The following DLG2 variants were observed in gnomAD, a reference collection of about 807,000 sequenced individuals.
DLG2 encodes the protein disks large homolog 2.
Under a neutral mutation model 132.5 loss-of-function variants are expected in DLG2, and 45 were observed. The observed-to-expected ratio is 0.34, with a 90% confidence interval of 0.27 to 0.44. The LOEUF is 0.44. Among genes scored for constraint, DLG2 ranks in the 20% least tolerant of loss-of-function variants. DLG2 has a pLI of 1.00. For missense variants in DLG2, 1,045 were observed against 1,196.9 expected, an observed-to-expected ratio of 0.87 and a Z score of 1.87; for synonymous variants, 424 against 419.6, an observed-to-expected ratio of 1.01 and a Z score of -0.13.
At chr11:85,162,500 G>A (rs1266927421) in intron 4 of DLG2, among the ~76,000 whole-genome samples, 2 of 152,172 alleles carry the variant, frequency 1.3e-5, no homozygotes, top group Non-Finnish European at 2.9e-5. Flanking sequence ...CAAGAATGAG[G>A]ACTGTAATTG....
chr11:85,520,379 T>A (rs892441048), intron 3 of DLG2, among the ~76,000 whole-genome samples: 2 of 152,132 alleles, frequency 1.3e-5, no homozygotes, highest in Non-Finnish European at 2.9e-5. Flanking sequence ...TCCATGCTCA[T>A]GGATTGGAAG....
At chr11:84,744,968 A>C (rs2153828426) in intron 6 of DLG2, among the ~76,000 whole-genome samples, 1 of 151,756 alleles carries the variant, frequency 6.6e-6, no homozygotes, top group South Asian at 2.1e-4. Flanking sequence ...TCATCTTTTA[A>C]CCAAACAGAT....
intron 6 of DLG2, among the ~76,000 whole-genome samples, chr11:84,762,445 C>A (rs372967049): frequency 1.1e-4 from 16 of 152,186 alleles, no homozygotes; most frequent in Non-Finnish European, 1.6e-4. Flanking sequence ...CCTGTATTTT[C>A]TTTCCTAAGA....
At chr11:83,531,667 A>T (rs986439115) in intron 21 of DLG2, among the ~76,000 whole-genome samples, 2 of 152,042 alleles carry the variant, frequency 1.3e-5, no homozygotes, top group Admixed American at 6.6e-5. Flanking sequence ...TGGAAATAAA[A>T]ATATATGTCA....
chr11:83,920,189 T>C (rs903039275), intron 15 of DLG2, among the ~76,000 whole-genome samples: 1 of 152,140 alleles, frequency 6.6e-6, no homozygotes, highest in South Asian at 2.1e-4. Context: ...CTCTAAGGTA[T>C]TCATTTCCTC....
At chr11:85,425,153 C>T (rs286021) in intron 3 of DLG2, among the ~76,000 whole-genome samples, 128,956 of 152,224 alleles carry the variant, frequency 0.85, 55,003 homozygotes, top group Non-Finnish European at 0.91. Flanking sequence ...TCCAGGTCTT[C>T]TGATAGATGT....
intron 3 of DLG2, among the ~76,000 whole-genome samples, chr11:85,352,758 T>A (rs1016874933): frequency 6.6e-6 from 1 of 152,160 alleles, no homozygotes. Context: ...ATTTAATAAA[T>A]GGTGCTGGGA....
intron 4 of DLG2, among the ~76,000 whole-genome samples, chr11:85,256,001 T>C (rs2076646396): frequency 6.6e-6 from 1 of 152,156 alleles, no homozygotes; most frequent in Non-Finnish European, 1.5e-5. Flanking sequence ...GATAATGATA[T>C]GGACAGGAGA....
At chr11:83,651,151 A>T (rs1469672069) in intron 18 of DLG2, among the ~76,000 whole-genome samples, 1 of 152,166 alleles carries the variant, frequency 6.6e-6, no homozygotes, top group Non-Finnish European at 1.5e-5. Context: ...CTCAGCTCTT[A>T]GTACAAGTAA....
chr11:85,028,928 G>C (rs2060780478), intron 6 of DLG2, among the ~76,000 whole-genome samples: 1 of 152,162 alleles, frequency 6.6e-6, no homozygotes, highest in South Asian at 2.1e-4. Flanking sequence ...CTACCCCGCT[G>C]CAGTTGGCGT....
intron 6 of DLG2, among the ~76,000 whole-genome samples, chr11:85,004,915 G>A (rs10898345): frequency 0.51 from 77,133 of 151,854 alleles, 19,936 homozygotes; most frequent in East Asian, 0.63. Context: ...AGGTGAAAGG[G>A]AGAGGTCCAG....
rs147039683 is a variant in DLG2, at chr11:83,523,934, A to G, written c.2193+8774T>C. ...TTCTCTCCCCAACTAAACAAGCACA[A>G]GGTCAAAAACACCGTATGCAAATGC... is the stretch of plus-strand genomic sequence containing the variant. On this transcript the variant is annotated intron_variant, in intron 21 of 27. Transcript: ENST00000376104. Among the ~76,000 whole-genome samples the G allele has an allele frequency of 9.7e-4, 148 of 152,298 alleles. 1 individual carries two copies. Among genetic ancestry groups the G allele is most frequent in the South Asian group, 9.1e-3 (44 of 4,834 alleles).
intron 9 of DLG2, among the ~76,000 whole-genome samples, chr11:84,144,089 T>C (rs986192938): frequency 4.6e-5 from 7 of 152,150 alleles, no homozygotes; most frequent in Non-Finnish European, 8.8e-5. Flanking sequence ...TGGGGCCCTA[T>C]GCAGTTTCCT....
intron 19 of DLG2, among the ~76,000 whole-genome samples, chr11:83,578,370 A>G (rs1017395022): frequency 5.9e-5 from 9 of 152,170 alleles, no homozygotes; most frequent in Non-Finnish European, 1.0e-4. Context: ...AAGAGAATAG[A>G]GAACAGTACC....
intron 18 of DLG2, among the ~76,000 whole-genome samples, chr11:83,663,908 C>A (rs2074947603): frequency 6.6e-6 from 1 of 152,186 alleles, no homozygotes. Context: ...AACTATTAAT[C>A]TGCCTTCATT....
intron 6 of DLG2, among the ~76,000 whole-genome samples, chr11:84,737,329 C>T (rs2063969258): frequency 6.6e-6 from 1 of 151,862 alleles, no homozygotes; most frequent in African/African-American, 2.4e-5. Flanking sequence ...AATATATTTG[C>T]CTGTTTTTAT....
At chr11:84,445,565 T>C (rs2099031233) in intron 7 of DLG2, among the ~76,000 whole-genome samples, 1 of 152,202 alleles carries the variant, frequency 6.6e-6, no homozygotes, top group Admixed American at 6.5e-5. Context: ...ATATTTTCTT[T>C]TTTAAAAAAT....
At chr11:85,414,354 T>C (rs536049528) in intron 3 of DLG2, among the ~76,000 whole-genome samples, 1 of 152,164 alleles carries the variant, frequency 6.6e-6, no homozygotes, top group African/African-American at 2.4e-5. Context: ...ACAGCGACAG[T>C]TTGACTTCCT....
chr11:84,313,674 AAAGAAAG>A (rs2098324541), intron 7 of DLG2, among the ~76,000 whole-genome samples: 1 of 151,772 alleles, frequency 6.6e-6, no homozygotes, highest in Non-Finnish European at 1.5e-5. Context: ...AGAAAGAAAG[AAAGAAAG>A]AAAGAAAAAG....
Sources: allele counts gnomAD v4.1 joint callset (sites outside exome capture counted in the v4.1 genomes callset), GRCh38; gene constraint gnomAD v4.1.1; transcripts MANE v1.5; gene names NCBI Gene and HGNC (gene_info 2026-07-23, HGNC 2026-07-21).